Variants in ASIC2 observed in about 807,000 individuals in gnomAD.
ASIC2 encodes acid-sensing ion channel 2.
A neutral mutation model predicts 57.3 loss-of-function variants in ASIC2; 25 were observed. The ratio of observed to expected loss-of-function variants is 0.44; its 90% CI spans 0.32 to 0.61. The LOEUF (loss-of-function observed/expected upper bound fraction) is 0.61, where lower values mean the gene tolerates loss of function less well. Ranked by LOEUF, ASIC2 falls within the 20% of genes least tolerant of loss-of-function variation. The pLI, the probability that ASIC2 is intolerant of heterozygous loss-of-function variation, is 0.06. For synonymous variants in ASIC2, 319 were observed against 307.5 expected (o/e 1.04, Z -0.39); for missense variants, 641 against 738.1 (o/e 0.87, Z 1.52).
chr17:33,485,639 T>C (rs1347027275), intron 1 of ASIC2, among the ~76,000 whole-genome samples: 2 of 152,140 alleles, frequency 1.3e-5, no homozygotes, highest in Non-Finnish European at 2.9e-5. Flanking sequence ...CTAAACTCAA[T>C]GAAGTGGGAT....
intron 1 of ASIC2, among the ~76,000 whole-genome samples, chr17:33,436,798 G>T (rs1911624636): frequency 6.8e-6 from 1 of 147,792 alleles, no homozygotes; most frequent in Admixed American, 6.8e-5. Flanking sequence ...CCTGCTGGGT[G>T]ATCACAATAG....
rs2091948784 is a variant in ASIC2, at chr17:33,045,273, A to G, written c.988-16881T>C. Among the ~76,000 whole-genome samples, 3 of 152,198 alleles carry G rather than the reference A, an allele frequency of 2.0e-5. No individual in the cohort carries two copies. The South Asian group carries it at 6.2e-4, about 32-fold the overall frequency. On this transcript the variant is annotated intron_variant, in intron 3 of 9. Coordinates refer to ENST00000225823, the MANE Select transcript of ASIC2 (RefSeq NM_183377.2). ...TGTGCCCTCCCTTCCTCTCCCCAACATAAGAGCCGCCTCAGCAAGAAGAGT... is the reference window on the plus strand; with the variant it reads ...TGTGCCCTCCCTTCCTCTCCCCAACGTAAGAGCCGCCTCAGCAAGAAGAGT...
At chr17:34,002,449 T>C (rs1002223064) in intron 1 of ASIC2, 1 of 152,220 alleles carries the variant, frequency 6.6e-6, no homozygotes. Context: ...TTTTATTGTA[T>C]TTCCTCAGCA....
At chr17:33,417,197 T>C (rs892021231) in intron 1 of ASIC2, among the ~76,000 whole-genome samples, 11 of 152,118 alleles carry the variant, frequency 7.2e-5, no homozygotes, top group African/African-American at 2.7e-4. Flanking sequence ...CCAATTTTCT[T>C]AGGCAGGAAG....
At chr17:33,451,880 T>C (rs1012367766) in intron 1 of ASIC2, among the ~76,000 whole-genome samples, 4 of 152,244 alleles carry the variant, frequency 2.6e-5, no homozygotes, top group Non-Finnish European at 5.9e-5. Context: ...TGTGTGCACA[T>C]TTGTTGACTA....
intron 1 of ASIC2, among the ~76,000 whole-genome samples, chr17:33,280,776 C>A (rs1055695592): frequency 3.3e-5 from 5 of 152,224 alleles, no homozygotes; most frequent in Admixed American, 3.3e-4. Context: ...CCATAATTTT[C>A]TCTGTGAGAC....
chr17:33,442,678 G>A (rs975338562), intron 1 of ASIC2, among the ~76,000 whole-genome samples: 1 of 151,216 alleles, frequency 6.6e-6, no homozygotes, highest in African/African-American at 2.4e-5. Context: ...TTTCTTTCTT[G>A]GTAGATTCCA....
At chr17:33,117,175 C>A (rs974063382) in intron 1 of ASIC2, among the ~76,000 whole-genome samples, 1 of 150,300 alleles carries the variant, frequency 6.7e-6, no homozygotes, top group Non-Finnish European at 1.5e-5. Flanking sequence ...TCTTCTTCCT[C>A]TTCTTCTTTT....
At chr17:33,127,696 C>G (rs565641446) in intron 1 of ASIC2, among the ~76,000 whole-genome samples, 5 of 152,296 alleles carry the variant, frequency 3.3e-5, no homozygotes, top group African/African-American at 1.2e-4. Flanking sequence ...CTCAGTCCTG[C>G]CTACCTTCAG....
chr17:33,067,095 T>C (rs1052934847), intron 3 of ASIC2, among the ~76,000 whole-genome samples: 29 of 152,286 alleles, frequency 1.9e-4, no homozygotes, highest in African/African-American at 7.0e-4. Flanking sequence ...CGAGCATGGC[T>C]CTCCGGGGCA....
At chr17:33,392,953 C>G (rs1909954447) in intron 1 of ASIC2, among the ~76,000 whole-genome samples, 1 of 152,116 alleles carries the variant, frequency 6.6e-6, no homozygotes, top group Admixed American at 6.6e-5. Context: ...AGTAGATAAG[C>G]CCTGCAGACT....
chr17:33,157,221 A>G (rs538821319), intron 1 of ASIC2, among the ~76,000 whole-genome samples: 1 of 152,268 alleles, frequency 6.6e-6, no homozygotes, highest in South Asian at 2.1e-4. Flanking sequence ...AGGGAAACCA[A>G]CCAATCAGGG....
At chr17:33,640,523 C>T (rs1231485922) in intron 1 of ASIC2, among the ~76,000 whole-genome samples, 1 of 152,212 alleles carries the variant, frequency 6.6e-6, no homozygotes, top group Non-Finnish European at 1.5e-5. Context: ...AGGGTACACA[C>T]AAGGACATAC....
At chr17:33,988,826 G>C (rs1905911646) in intron 1 of ASIC2, among the ~76,000 whole-genome samples, 1 of 151,958 alleles carries the variant, frequency 6.6e-6, no homozygotes, top group Non-Finnish European at 1.5e-5. Context: ...GTGACTCTTA[G>C]ACAGTGACTG....
chr17:33,175,128 G>A (rs1905697897), intron 1 of ASIC2, among the ~76,000 whole-genome samples: 1 of 152,138 alleles, frequency 6.6e-6, no homozygotes, highest in African/African-American at 2.4e-5. Flanking sequence ...TAAGCACTCT[G>A]GTGATTATAA....
intron 1 of ASIC2, among the ~76,000 whole-genome samples, chr17:33,116,292 C>A (rs1044271930): frequency 6.6e-6 from 1 of 152,206 alleles, no homozygotes; most frequent in Admixed American, 6.5e-5. Context: ...TTACACACAG[C>A]GCAATTTTGC....
At chr17:33,564,463 G>T (rs1260294595) in intron 1 of ASIC2, among the ~76,000 whole-genome samples, 2 of 152,172 alleles carry the variant, frequency 1.3e-5, no homozygotes, top group Non-Finnish European at 2.9e-5. Context: ...ACAGTCCCTG[G>T]GTCAGTGGAA....
At chr17:33,308,528 C>G (rs567398004) in intron 1 of ASIC2, among the ~76,000 whole-genome samples, 1 of 152,226 alleles carries the variant, frequency 6.6e-6, no homozygotes, top group East Asian at 1.9e-4. Flanking sequence ...CCAGCCCAGC[C>G]AGAAACCAAA....
chr17:33,665,041 AT>A (rs112117157), intron 1 of ASIC2, among the ~76,000 whole-genome samples: 3,407 of 148,642 alleles, frequency 0.023, 153 homozygotes, highest in African/African-American at 0.078. Flanking sequence ...TAAAAATTTT[AT>A]TTTTTTTTTT....
Sources: allele counts gnomAD v4.1 joint callset (sites outside exome capture counted in the v4.1 genomes callset), GRCh38; gene constraint gnomAD v4.1.1; transcripts MANE v1.5; gene names NCBI Gene and HGNC (gene_info 2026-07-23, HGNC 2026-07-21).